Variants in CTNNA3 observed in about 807,000 individuals in gnomAD.
CTNNA3 encodes the protein catenin alpha-3.
A neutral mutation model predicts 95.7 loss-of-function variants in CTNNA3; 76 were observed. That is an observed-to-expected ratio of 0.79 (90% CI 0.66 to 0.96). The LOEUF (loss-of-function observed/expected upper bound fraction) is 0.96, where lower values mean the gene tolerates loss of function less well. CTNNA3 is among the 40% of genes least tolerant of loss of function. The pLI is 0.00. For synonymous variants in CTNNA3, 431 were observed against 374.4 expected (o/e 1.15, Z -1.74); for missense variants, 1,191 against 1,089.8 (o/e 1.09, Z -1.31).
At chr10:66,086,717 G>A (rs550572437) in intron 14 of CTNNA3, among the ~76,000 whole-genome samples, 18 of 151,946 alleles carry the variant, frequency 1.2e-4, no homozygotes, top group Non-Finnish European at 2.1e-4. Flanking sequence ...AGAAAGAATG[G>A]CTGTTCCTTT....
At chr10:67,241,142 C>T (rs1380572010) in intron 5 of CTNNA3, among the ~76,000 whole-genome samples, 1 of 152,014 alleles carries the variant, frequency 6.6e-6, no homozygotes, top group Non-Finnish European at 1.5e-5. Flanking sequence ...AGGTCAGGGC[C>T]AGGGGTGATG....
intron 9 of CTNNA3, among the ~76,000 whole-genome samples, chr10:66,761,170 C>T (rs2132763993): frequency 6.6e-6 from 1 of 152,226 alleles, no homozygotes; most frequent in South Asian, 2.1e-4. Context: ...TTGCAAACTG[C>T]AAGAGTCCCC....
chr10:66,273,699 G>T (rs1284564813), intron 13 of CTNNA3, among the ~76,000 whole-genome samples: 1 of 152,172 alleles, frequency 6.6e-6, no homozygotes, highest in African/African-American at 2.4e-5. Flanking sequence ...CTTTGGAGAA[G>T]GGTGGGTTCT....
At chr10:67,509,386 C>G (rs1271900125) in intron 5 of CTNNA3, among the ~76,000 whole-genome samples, 1 of 152,076 alleles carries the variant, frequency 6.6e-6, no homozygotes, top group East Asian at 1.9e-4. Context: ...GTTCCCTGCC[C>G]TGTGTCCAAG....
chr10:66,147,608 G>GTTTTTTTT (rs34193216), intron 13 of CTNNA3, among the ~76,000 whole-genome samples: 15 of 105,776 alleles, frequency 1.4e-4, no homozygotes, highest in East Asian at 2.8e-4. Flanking sequence ...GTTGCTTTCA[G>GTTTTTTTT]TTTTTTTTTT....
chr10:66,471,524 T>A (rs1182903673), intron 11 of CTNNA3, among the ~76,000 whole-genome samples: 1 of 151,968 alleles, frequency 6.6e-6, no homozygotes, highest in African/African-American at 2.4e-5. Flanking sequence ...ATGAGTCTTT[T>A]ATGTTTTGTT....
chr10:67,000,035 T>A (rs1851586010), intron 7 of CTNNA3, among the ~76,000 whole-genome samples: 1 of 152,148 alleles, frequency 6.6e-6, no homozygotes, highest in South Asian at 2.1e-4. Context: ...TTTTTCACAA[T>A]TAAAACTACT....
Position 67,151,113 on chromosome 10 carries a change from A to T in CTNNA3, c.1047+29204T>A, listed in dbSNP as rs545799316. ...CCTAAAACTAAAAATTACTTTAAAA[A>T]TTTTTTTTCAAGACCATGTTTCCAA... On this transcript the variant is annotated intron_variant, in intron 7 of 17. Coordinates refer to ENST00000433211, the MANE Select transcript of CTNNA3 (RefSeq NM_013266.4). 2.5e-3 allele frequency among the ~76,000 whole-genome samples: 383 copies of T among 152,156 alleles called. 2 individuals carry two copies. The highest frequency in any genetic ancestry group is 8.4e-3 in the African/African-American group (350 of 41,506).
At chr10:66,132,996 C>T (rs546218180) in intron 13 of CTNNA3, among the ~76,000 whole-genome samples, 23 of 151,900 alleles carry the variant, frequency 1.5e-4, no homozygotes, top group Non-Finnish European at 3.1e-4. Flanking sequence ...AGCAAACCCC[C>T]GTGACACAGG....
At chr10:66,908,051 C>G (rs1258742238) in intron 7 of CTNNA3, among the ~76,000 whole-genome samples, 1 of 152,156 alleles carries the variant, frequency 6.6e-6, no homozygotes, top group Non-Finnish European at 1.5e-5. Flanking sequence ...AAAGTCTTGG[C>G]TAGAAGTTCT....
At chr10:67,114,544 T>C (rs1859072552) in intron 7 of CTNNA3, among the ~76,000 whole-genome samples, 1 of 152,166 alleles carries the variant, frequency 6.6e-6, no homozygotes, top group Non-Finnish European at 1.5e-5. Context: ...CCATCAACTT[T>C]TGTTATACTA....
intron 3 of CTNNA3, among the ~76,000 whole-genome samples, chr10:67,594,103 G>T (rs1022726285): frequency 6.6e-6 from 1 of 152,156 alleles, no homozygotes; most frequent in African/African-American, 2.4e-5. Context: ...CAGGGATAAG[G>T]CCTATTTGAT....
chr10:67,235,355 T>C lies in CTNNA3; in HGVS notation c.580-15485A>G, dbSNP rs1365049086. ...AACAGAACAGAACCCTCAGAAATAA[T>C]GCCACATATCTACAACTATCTGATC... On this transcript the variant is annotated intron_variant, in intron 5 of 17. Coordinates refer to ENST00000433211, the MANE Select transcript of CTNNA3 (RefSeq NM_013266.4). Among the ~76,000 whole-genome samples the C allele has an allele frequency of 5.3e-5, 8 of 151,812 alleles. No homozygotes were observed. The East Asian group carries it at 5.8e-4, about 11-fold the overall frequency.
At chr10:66,128,063 C>T (rs1322105658) in intron 13 of CTNNA3, among the ~76,000 whole-genome samples, 1 of 152,046 alleles carries the variant, frequency 6.6e-6, no homozygotes, top group East Asian at 1.9e-4. Flanking sequence ...CACAGCAAGA[C>T]TCCATCTCAA....
chr10:66,363,525 C>T (rs2092691324), intron 12 of CTNNA3, among the ~76,000 whole-genome samples: 1 of 152,146 alleles, frequency 6.6e-6, no homozygotes, highest in African/African-American at 2.4e-5. Context: ...GGACTTTCAG[C>T]CTCCAGAGAC....
chr10:67,712,627 C>A (rs575986595), intron 1 of CTNNA3, among the ~76,000 whole-genome samples: 16 of 152,324 alleles, frequency 1.1e-4, no homozygotes, highest in Admixed American at 9.8e-4. Context: ...GTTGAGCCTG[C>A]AAGTGCAGAG....
intron 11 of CTNNA3, among the ~76,000 whole-genome samples, chr10:66,469,907 A>G (rs1322725014): frequency 6.6e-6 from 1 of 151,844 alleles, no homozygotes; most frequent in Non-Finnish European, 1.5e-5. Flanking sequence ...TGAGGGTAGT[A>G]TCTTTTCTTC....
chr10:66,692,904 G>A lies in CTNNA3; in HGVS notation c.1282-71120C>T, dbSNP rs1847607114. Among the ~76,000 whole-genome samples the A allele has an allele frequency of 2.0e-5, 3 of 152,046 alleles. No individual in the cohort carries two copies. The South Asian group carries it at 6.2e-4, about 31-fold the overall frequency. The stretch of plus-strand genomic sequence containing the variant: ...GAGAAATAAAATACTTTACAGACAA[G>A]CAAATGCTGAGAGATTTTGTCACCA... On this transcript the variant is annotated intron_variant, in intron 9 of 17. Coordinates refer to ENST00000433211, the MANE Select transcript of CTNNA3 (RefSeq NM_013266.4).
At chr10:66,740,934 C>T (rs958913775) in intron 9 of CTNNA3, among the ~76,000 whole-genome samples, 16 of 152,098 alleles carry the variant, frequency 1.1e-4, no homozygotes, top group African/African-American at 3.4e-4. Flanking sequence ...GTTCTAAAAG[C>T]GTGGTCCATG....
Sources: allele counts gnomAD v4.1 joint callset (sites outside exome capture counted in the v4.1 genomes callset), GRCh38; gene constraint gnomAD v4.1.1; transcripts MANE v1.5; gene names NCBI Gene and HGNC (gene_info 2026-07-23, HGNC 2026-07-21).